TTLL11: variants seen among roughly 807,000 people sequenced by gnomAD.
TTLL11 encodes tubulin tyrosine ligase like 11.
Under a neutral mutation model 51.7 loss-of-function variants are expected in TTLL11, and 42 were observed. The observed-to-expected ratio is 0.81, with a 90% CI of 0.64 to 1.05. The LOEUF (loss-of-function observed/expected upper bound fraction) is 1.05, where lower values mean the gene tolerates loss of function less well. TTLL11 is among the 50% of genes least tolerant of loss of function. TTLL11 has a pLI of 0.00. For synonymous variants in TTLL11, 381 were observed against 383.5 expected (o/e 0.99, Z 0.08); for missense variants, 799 against 940.4 (o/e 0.85, Z 1.97).
At chr9:121,936,905 T>C (rs1486005682) in intron 6 of TTLL11, among the ~76,000 whole-genome samples, 2 of 152,228 alleles carry the variant, frequency 1.3e-5, no homozygotes, top group African/African-American at 2.4e-5. Flanking sequence ...GCATTTGCAA[T>C]CCTTTCTCTG....
At chr9:121,862,188 T>G (rs1053881198) in intron 7 of TTLL11, among the ~76,000 whole-genome samples, 2 of 151,860 alleles carry the variant, frequency 1.3e-5, no homozygotes, top group East Asian at 1.9e-4. Flanking sequence ...TTTTTTTTTT[T>G]GGTCTGGAAA....
chr9:121,885,179 C>T (rs1357081715), intron 6 of TTLL11: 1 of 152,228 alleles, frequency 6.6e-6, no homozygotes, highest in African/African-American at 2.4e-5. Context: ...GGTAATCCAA[C>T]GTTCCAGGAT....
intron 4 of TTLL11, among the ~76,000 whole-genome samples, chr9:121,985,904 G>A (rs1012185101): frequency 6.6e-6 from 1 of 152,292 alleles, no homozygotes; most frequent in South Asian, 2.1e-4. Context: ...CTTATACCCT[G>A]TCAAAGTGTT....
intron 1 of TTLL11, among the ~76,000 whole-genome samples, chr9:122,049,002 C>T (rs1452055706): frequency 2.0e-5 from 3 of 150,598 alleles, no homozygotes; most frequent in African/African-American, 4.9e-5. Flanking sequence ...CTTTGAGATT[C>T]GTGCCAGAAA....
rs1404994709 is a variant in TTLL11, at chr9:122,031,792, A to G, written c.624T>C (p.Phe208=). 5 of 1,613,890 alleles carry G rather than the reference A, an allele frequency of 3.1e-6. No homozygotes were observed. The African/African-American group carries it at 5.3e-5, about 17-fold the overall frequency. Residue 208 remains phenylalanine (F), a synonymous_variant, in exon 3 of 9, where the codon TTT becomes TTC. Coordinates refer to ENST00000321582, the MANE Select transcript of TTLL11 (RefSeq NM_001139442.2). The stretch of plus-strand genomic sequence containing the variant: ...GAGGGTAGAAGTTGTACTCCTCAGG[A>G]AAGAGATTCTGCATGGTTCTCACTG... The part of the protein sequence containing the change: ...SRAVRTMQNL[F]PEEYNFYPRS...
At chr9:122,015,523 G>A (rs933679671) in intron 3 of TTLL11, among the ~76,000 whole-genome samples, 3 of 152,006 alleles carry the variant, frequency 2.0e-5, no homozygotes, top group African/African-American at 4.8e-5. Flanking sequence ...CCACTGCATC[G>A]GCCTCCAGGG....
Position 121,818,713 on chromosome 9 carries a change from G to A in TTLL11, c.*3874C>T, listed in dbSNP as rs181922106. ...GAGGAAGGCCATTCCAGGCAGAGGGGCCAGCAAGACAAGGGTGGTGGGAAA... is the reference window on the plus strand; with the variant it reads ...GAGGAAGGCCATTCCAGGCAGAGGGACCAGCAAGACAAGGGTGGTGGGAAA... On this transcript the variant is annotated 3_prime_UTR_variant, in exon 9 of 9. Coordinates refer to ENST00000321582, the MANE Select transcript of TTLL11 (RefSeq NM_001139442.2). 2 of 152,664 alleles carry A rather than the reference G, an allele frequency of 1.3e-5. No homozygotes were observed. Among genetic ancestry groups the A allele is most frequent in the East Asian group, 1.9e-4 (1 of 5,190 alleles). 9.5% of individuals were successfully genotyped at this position (152,664 alleles called of 1,614,324 possible). A position where few individuals can be genotyped will look rare whatever the true frequency, so the allele number is the denominator to read the frequency against.
In TTLL11 at chr9:121,974,026, C is replaced by T. The variant is rs1247701105; in HGVS notation, c.1464G>A (p.Lys488=). 6.4e-7 allele frequency: 1 copy of T among 1,551,630 alleles called. No individual in the cohort carries two copies. Among genetic ancestry groups the T allele is most frequent in the East Asian group, 2.4e-5 (1 of 40,910 alleles). ...RDTLRLMDPL[K]KKRENQSQQL... is the part of the protein sequence containing the mutation. ...GTACTTACTGATTCTCTCTTTTCTT[C>T]TTAAGTGGGTCCATGAGGCGCAGAG... The change falls in exon 6 of 9, where the codon AAG becomes AAA. Residue 488 remains lysine (K), a synonymous_variant. Transcript: ENST00000321582.
chr9:122,044,375 G>T (rs1844942717), intron 1 of TTLL11, among the ~76,000 whole-genome samples: 2 of 152,184 alleles, frequency 1.3e-5, no homozygotes, highest in Non-Finnish European at 2.9e-5. Flanking sequence ...TATATACCCA[G>T]TAATGGGATG....
intron 6 of TTLL11, among the ~76,000 whole-genome samples, chr9:121,938,125 T>C (rs187764384): frequency 1.3e-5 from 2 of 152,042 alleles, no homozygotes; most frequent in Non-Finnish European, 2.9e-5. Context: ...CGGTCTCTAC[T>C]AAAAATACAA....
At chr9:121,848,213 A>G in intron 8 of TTLL11, among the ~76,000 whole-genome samples, 1 of 151,996 alleles carries the variant, frequency 6.6e-6, no homozygotes, top group African/African-American at 2.4e-5. Flanking sequence ...TCGCTAAGGA[A>G]AAAAAAAGAA....
chr9:121,910,501 G>T (rs1053699497), intron 6 of TTLL11, among the ~76,000 whole-genome samples: 1 of 152,196 alleles, frequency 6.6e-6, no homozygotes, highest in South Asian at 2.1e-4. Flanking sequence ...CGTCAGCTGA[G>T]TGTAACAGTT....
chr9:122,055,989 TCA>T (rs1286547671), intron 1 of TTLL11, among the ~76,000 whole-genome samples: 3 of 152,228 alleles, frequency 2.0e-5, no homozygotes, highest in African/African-American at 7.2e-5. Context: ...CCTCGGGCAT[TCA>T]CAGACCTCTT....
intron 3 of TTLL11, among the ~76,000 whole-genome samples, chr9:121,991,481 G>A (rs17262306): frequency 0.066 from 10,108 of 152,160 alleles, 479 homozygotes; most frequent in Non-Finnish European, 0.094. Context: ...CAAAGCATTC[G>A]TACACTTGGC....
intron 6 of TTLL11, among the ~76,000 whole-genome samples, chr9:121,912,555 T>G (rs991081807): frequency 1.3e-5 from 2 of 151,858 alleles, no homozygotes; most frequent in African/African-American, 4.8e-5. Flanking sequence ...ACCACTCCCT[T>G]GCCTGAGTCC....
intron 3 of TTLL11, among the ~76,000 whole-genome samples, chr9:122,000,293 A>G (rs1843420995): frequency 6.6e-6 from 1 of 151,992 alleles, no homozygotes. Flanking sequence ...AACACGGTGA[A>G]ACCCCATCTC....
intron 3 of TTLL11, among the ~76,000 whole-genome samples, chr9:121,996,275 C>CT (rs1170784131): frequency 6.6e-6 from 1 of 152,194 alleles, no homozygotes; most frequent in East Asian, 1.9e-4. Flanking sequence ...ACCTCCTGCC[C>CT]TTTCTTTGCC....
At chr9:122,006,070 C>A (rs1485106187) in intron 3 of TTLL11, among the ~76,000 whole-genome samples, 1 of 152,140 alleles carries the variant, frequency 6.6e-6, no homozygotes. Context: ...CCAGGCACAG[C>A]GGCTCACGCC....
intron 8 of TTLL11, among the ~76,000 whole-genome samples, chr9:121,860,095 T>C (rs367868190): frequency 6.6e-6 from 1 of 152,160 alleles, no homozygotes; most frequent in South Asian, 2.1e-4. Flanking sequence ...AATAACTGAG[T>C]GTTCCCAGTA....
Sources: allele counts gnomAD v4.1 joint callset (sites outside exome capture counted in the v4.1 genomes callset), GRCh38; gene constraint gnomAD v4.1.1; transcripts MANE v1.5; gene names NCBI Gene and HGNC (gene_info 2026-07-23, HGNC 2026-07-21).